The following ADARB2 variants were observed in gnomAD, a reference collection of about 807,000 sequenced individuals.
The protein encoded by ADARB2 is adenosine deaminase RNA specific B2 (inactive).
Under a neutral mutation model 62.2 loss-of-function variants are expected in ADARB2, and 25 were observed. The observed-to-expected ratio is 0.40, with a 90% confidence interval of 0.29 to 0.56. ADARB2 has a LOEUF of 0.56. Among genes scored for constraint, ADARB2 ranks in the 20% least tolerant of loss-of-function variants. ADARB2 has a pLI of 0.43. For missense variants in ADARB2, 1,071 were observed against 1,077.4 expected (o/e 0.99, Z 0.08); for synonymous variants, 572 against 500.8 (o/e 1.14, Z -1.90).
intron 1 of ADARB2, among the ~76,000 whole-genome samples, chr10:1,442,386 C>T (rs547348370): frequency 6.6e-6 from 1 of 152,302 alleles, no homozygotes; most frequent in African/African-American, 2.4e-5. Flanking sequence ...TTTAAGTTTC[C>T]TCTGTGTTAG....
intron 1 of ADARB2, among the ~76,000 whole-genome samples, chr10:1,566,575 A>G (rs529286432): frequency 1.3e-5 from 2 of 152,210 alleles, no homozygotes; most frequent in Non-Finnish European, 2.9e-5. Context: ...GAACAATTGT[A>G]TGTGATTCAG....
intron 1 of ADARB2, among the ~76,000 whole-genome samples, chr10:1,395,830 G>A (rs560233481): frequency 6.6e-6 from 1 of 152,150 alleles, no homozygotes; most frequent in Admixed American, 6.5e-5. Flanking sequence ...TGCCTTCAGC[G>A]CCCCCGGCTT....
At chr10:1,628,909 T>G (rs912195680) in intron 1 of ADARB2, among the ~76,000 whole-genome samples, 2 of 152,200 alleles carry the variant, frequency 1.3e-5, no homozygotes, top group Non-Finnish European at 2.9e-5. Context: ...CTCCCTGGTG[T>G]CCGTTGGGTT....
intron 1 of ADARB2, among the ~76,000 whole-genome samples, chr10:1,494,304 A>C (rs924975484): frequency 6.6e-6 from 1 of 152,200 alleles, no homozygotes; most frequent in South Asian, 2.1e-4. Flanking sequence ...GTCTGAGGTC[A>C]ATCAACTACT....
rs1199809913 is a variant in ADARB2 at position 1,315,750 on chromosome 10, CTTCAT to C, written c.1078-44686_1078-44682del. Among the ~76,000 whole-genome samples, 3 of 152,346 alleles carry C rather than the reference CTTCAT, an allele frequency of 2.0e-5. No individual in the cohort carries two copies. The East Asian group carries it at 5.8e-4, about 29-fold the overall frequency. ...TAAATATCAGCCTCCAGAATATTGC[CTTCAT>C]TTAAGCTTTTCACGTTCCAATGATT... On this transcript the variant is annotated intron_variant, in intron 3 of 9. Transcript: ENST00000381312.
chr10:1,546,464 G>A (rs1832522649), intron 1 of ADARB2, among the ~76,000 whole-genome samples: 1 of 152,220 alleles, frequency 6.6e-6, no homozygotes, highest in Non-Finnish European at 1.5e-5. Flanking sequence ...CTGCCTGTCT[G>A]TCCTGCTCCT....
chr10:1,450,069 C>T (rs1387723864), intron 1 of ADARB2, among the ~76,000 whole-genome samples: 1 of 152,194 alleles, frequency 6.6e-6, no homozygotes, highest in Non-Finnish European at 1.5e-5. Context: ...AAGGTGGCCA[C>T]CCTGCCCTCC....
At chr10:1,679,452 A>G (rs974681356) in intron 1 of ADARB2, among the ~76,000 whole-genome samples, 1 of 152,166 alleles carries the variant, frequency 6.6e-6, no homozygotes, top group African/African-American at 2.4e-5. Context: ...ATTAGTAATG[A>G]GAGATTTACC....
chr10:1,259,017 A>G (rs985822475), intron 4 of ADARB2, among the ~76,000 whole-genome samples: 7 of 152,254 alleles, frequency 4.6e-5, no homozygotes, highest in South Asian at 2.1e-4. Flanking sequence ...GCTCAACTAC[A>G]TGGAAACTGA....
At chr10:1,460,775 GA>G in intron 1 of ADARB2, among the ~76,000 whole-genome samples, 3 of 125,192 alleles carry the variant, frequency 2.4e-5, no homozygotes, top group Non-Finnish European at 5.1e-5. Flanking sequence ...ACCTGCCTGT[GA>G]CCTGAGTTTA....
At chr10:1,369,965 G>A (rs1029953232) in intron 2 of ADARB2, among the ~76,000 whole-genome samples, 4 of 152,306 alleles carry the variant, frequency 2.6e-5, no homozygotes, top group East Asian at 1.9e-4. Flanking sequence ...CCCATCACGC[G>A]GTTCACAAAT....
At chr10:1,651,563 T>C (rs1834111370) in intron 1 of ADARB2, among the ~76,000 whole-genome samples, 2 of 152,280 alleles carry the variant, frequency 1.3e-5, no homozygotes, top group Admixed American at 6.5e-5. Context: ...AACCAGCCCC[T>C]GACCTCAGCA....
chr10:1,271,980 C>T (rs1831267488), intron 3 of ADARB2, among the ~76,000 whole-genome samples: 1 of 152,244 alleles, frequency 6.6e-6, no homozygotes, highest in Non-Finnish European at 1.5e-5. Context: ...TCTTCATTTC[C>T]ACCTTATGGT....
chr10:1,428,864 G>GAC (rs748052926), intron 1 of ADARB2, among the ~76,000 whole-genome samples: 27 of 148,730 alleles, frequency 1.8e-4, no homozygotes, highest in East Asian at 8.1e-4. Context: ...TACACACACG[G>GAC]ACACACACAC....
chr10:1,246,460 T>C (rs1830987443), intron 4 of ADARB2, among the ~76,000 whole-genome samples: 1 of 113,192 alleles, frequency 8.8e-6, no homozygotes, highest in Non-Finnish European at 1.8e-5. Flanking sequence ...CTAGGGTTTT[T>C]ATGGTTTTAG....
In ADARB2 at chr10:1,737,111, GC is replaced by G; in HGVS notation, c.39del (p.Leu14Ter). On this transcript the variant is annotated frameshift_variant, in exon 1 of 10. Transcript: ENST00000381312. LOFTEE classifies it high-confidence loss of function. ...GACTTGCATTTGAGTTGACTGCTCA[GC>G]CCTCCAGACCCTCTGCCGCTCCCCA... ...SVLGSGRGSG[G>X]LSSQLKCKSK... 6.2e-7 allele frequency: 1 copy of G among 1,611,114 alleles called. No individual in the cohort carries two copies. Among genetic ancestry groups the G allele is most frequent in the Non-Finnish European group, 8.5e-7 (1 of 1,179,926 alleles).
At chr10:1,309,460 A>C (rs1016500147) in intron 3 of ADARB2, among the ~76,000 whole-genome samples, 4 of 152,160 alleles carry the variant, frequency 2.6e-5, no homozygotes, top group African/African-American at 9.7e-5. Context: ...GCTGGCTCCT[A>C]GGTTGGGGAT....
intron 1 of ADARB2, among the ~76,000 whole-genome samples, chr10:1,500,977 C>G (rs936419158): frequency 6.6e-6 from 1 of 152,178 alleles, no homozygotes; most frequent in Non-Finnish European, 1.5e-5. Context: ...CAGGTTCAAG[C>G]GATTCTCCTG....
At chr10:1,271,260 A>T (rs1415001892) in intron 3 of ADARB2, among the ~76,000 whole-genome samples, 191 bp from the exon 4 acceptor site, 1 of 152,154 alleles carries the variant, frequency 6.6e-6, no homozygotes. Context: ...CCCAAAACTC[A>T]GAATCATATT....
Sources: allele counts gnomAD v4.1 joint callset (sites outside exome capture counted in the v4.1 genomes callset), GRCh38; gene constraint gnomAD v4.1.1; transcripts MANE v1.5; gene names NCBI Gene and HGNC (gene_info 2026-07-23, HGNC 2026-07-21).